ARMC2: variants seen among roughly 807,000 people sequenced by gnomAD.
ARMC2 encodes the protein armadillo repeat containing 2, also known as armadillo repeat-containing protein 2.
ARMC2 carries 67 observed loss-of-function variants against 90.3 expected under a neutral mutation model. The observed-to-expected ratio is 0.74, with a 90% CI of 0.61 to 0.91. ARMC2 has a LOEUF of 0.91. Among genes scored for constraint, ARMC2 ranks in the 40% least tolerant of loss-of-function variants. The pLI is 0.00. For synonymous variants in ARMC2, 393 were observed against 393.0 expected (o/e 1.00, Z 0.00); for missense variants, 920 against 1,030.9 (o/e 0.89, Z 1.47).
the ARMC2 span, among the ~76,000 whole-genome samples, chr6:109,037,900 C>T: frequency 6.6e-6 from 1 of 150,598 alleles, no homozygotes; most frequent in Admixed American, 6.6e-5. Flanking sequence ...TCAACGATGC[C>T]TATAATTCTA....
At chr6:108,931,690 A>G (rs1775574230) in intron 11 of ARMC2, among the ~76,000 whole-genome samples, 1 of 151,048 alleles carries the variant, frequency 6.6e-6, no homozygotes, top group African/African-American at 2.4e-5. Flanking sequence ...TCTCTATGAT[A>G]CTGAGCTTTT....
chr6:109,032,663 T>C, the ARMC2 span, among the ~76,000 whole-genome samples: 1 of 151,900 alleles, frequency 6.6e-6, no homozygotes, highest in Non-Finnish European at 1.5e-5. Context: ...GACAGATACA[T>C]ATATAACCAT....
chr6:108,928,300 A>G, intron 11 of ARMC2, 67 bp downstream of exon 11: 1 of 1,371,152 alleles, frequency 7.3e-7, no homozygotes, highest in South Asian at 2.0e-5. Flanking sequence ...GTTATCTTTA[A>G]TATTTGCTTG....
chr6:108,972,709 G>C (rs912383325), intron 17 of ARMC2, among the ~76,000 whole-genome samples: 3 of 152,138 alleles, frequency 2.0e-5, no homozygotes, highest in Non-Finnish European at 4.4e-5. Context: ...TGTCTCTTAG[G>C]CTGGATGGCG....
At chr6:108,850,227 T>A (rs940158445) in intron 1 of ARMC2, among the ~76,000 whole-genome samples, 1 of 152,230 alleles carries the variant, frequency 6.6e-6, no homozygotes, top group African/African-American at 2.4e-5. Flanking sequence ...GTGTTCACCC[T>A]CTAGAGGTCC....
At position 108,928,080 on chromosome 6, in the gene ARMC2, T is replaced by C; in HGVS notation, c.1351-8T>C. 3.1e-6 allele frequency: 5 copies of C among 1,598,532 alleles called. No homozygotes were observed. Among genetic ancestry groups the C allele is most frequent in the Non-Finnish European group, 4.3e-6 (5 of 1,174,746 alleles). On this transcript the variant is annotated splice_region_variant and splice_polypyrimidine_tract_variant and intron_variant, in intron 10 of 17. Transcript: ENST00000392644. ...AAAAAAAATGGCACAAGCATGCTTT[T>C]ATCCTAGGTGACTGCTACATTGAGA...
chr6:108,924,892 G>C (rs1774962453), intron 10 of ARMC2, among the ~76,000 whole-genome samples: 1 of 152,150 alleles, frequency 6.6e-6, no homozygotes, highest in Non-Finnish European at 1.5e-5. Context: ...AACTGAACCA[G>C]TGACGCTGGT....
At chr6:108,903,099 T>C (rs1016369363) in intron 7 of ARMC2, among the ~76,000 whole-genome samples, 3 of 152,060 alleles carry the variant, frequency 2.0e-5, no homozygotes, top group African/African-American at 7.2e-5. Flanking sequence ...GCCTGAGAGG[T>C]GGAGGTTGCA....
chr6:108,954,555 G>A (rs1288157340), intron 13 of ARMC2, among the ~76,000 whole-genome samples: 2 of 152,132 alleles, frequency 1.3e-5, no homozygotes, highest in Admixed American at 6.5e-5. Context: ...CTCAGGAGAC[G>A]GAGGGCCGCA....
chr6:109,006,277 C>T, the ARMC2 span, among the ~76,000 whole-genome samples: 2 of 152,240 alleles, frequency 1.3e-5, no homozygotes, highest in South Asian at 4.1e-4. Flanking sequence ...TTTAGCATAA[C>T]TGATGAAAGC....
the ARMC2 span, among the ~76,000 whole-genome samples, chr6:109,018,835 G>A: frequency 6.6e-6 from 1 of 152,050 alleles, no homozygotes; most frequent in East Asian, 1.9e-4. Context: ...TTCATTACTA[G>A]AGAAGTTTCT....
At chr6:108,912,969 A>C (rs1773589183) in intron 10 of ARMC2, among the ~76,000 whole-genome samples, 1 of 152,232 alleles carries the variant, frequency 6.6e-6, no homozygotes, top group South Asian at 2.1e-4. Flanking sequence ...AACAGAAGGT[A>C]ACGGGATTGA....
At chr6:108,911,920 C>G (rs1773477592) in intron 9 of ARMC2, among the ~76,000 whole-genome samples, 1 of 151,870 alleles carries the variant, frequency 6.6e-6, no homozygotes, top group Admixed American at 6.6e-5. Context: ...TTTTTTTAAG[C>G]CCCTTCATGG....
At chr6:108,991,977 C>T in the ARMC2 span, among the ~76,000 whole-genome samples, 1 of 152,220 alleles carries the variant, frequency 6.6e-6, no homozygotes, top group African/African-American at 2.4e-5. Context: ...TTTTCACCAT[C>T]CAAATTCTTC....
chr6:109,011,899 G>A, the ARMC2 span, among the ~76,000 whole-genome samples: 2 of 152,100 alleles, frequency 1.3e-5, no homozygotes, highest in East Asian at 3.9e-4. Context: ...AAAGTGCTGG[G>A]ATTACAGGTG....
At chr6:108,892,310 T>C (rs1771151116) in intron 5 of ARMC2, among the ~76,000 whole-genome samples, 1 of 152,224 alleles carries the variant, frequency 6.6e-6, no homozygotes, top group Non-Finnish European at 1.5e-5. Context: ...CCTGTCCCCG[T>C]AGCCATTTTC....
downstream of ARMC2, among the ~76,000 whole-genome samples, chr6:108,975,843 G>A (rs983511070): frequency 2.2e-4 from 33 of 152,186 alleles, no homozygotes; most frequent in African/African-American, 7.2e-4. Context: ...ACTTTTTGAT[G>A]GGGTTGTTTG....
chr6:108,860,477 A>G (rs1433240671), intron 3 of ARMC2, among the ~76,000 whole-genome samples: 2 of 152,098 alleles, frequency 1.3e-5, no homozygotes, highest in Admixed American at 1.3e-4. Flanking sequence ...CCTGCCTAAC[A>G]CGGTGAAACC....
intron 8 of ARMC2, among the ~76,000 whole-genome samples, 181 bp downstream of exon 8, chr6:108,904,586 T>C (rs1305775677): frequency 6.6e-6 from 1 of 150,418 alleles, no homozygotes; most frequent in Non-Finnish European, 1.5e-5. Flanking sequence ...TCTAAGGAAC[T>C]AAGGCTGAGT....
Sources: gnomAD v4.1 joint callset for allele counts (sites outside exome capture counted in the v4.1 genomes callset) on GRCh38, gnomAD v4.1.1 for gene constraint, MANE v1.5 for transcripts, NCBI Gene and HGNC (gene_info 2026-07-23, HGNC 2026-07-21) for gene names.